THSD7B: variants seen among roughly 807,000 people sequenced by gnomAD.
The protein encoded by THSD7B is thrombospondin type-1 domain-containing protein 7B.
THSD7B carries 138 observed loss-of-function variants against 213.6 expected under a neutral mutation model. That is an observed-to-expected ratio of 0.65 (90% CI 0.56 to 0.74). The LOEUF is 0.74. Ranked by LOEUF, THSD7B falls within the 30% of genes least tolerant of loss-of-function variation. The pLI is 0.00. For missense variants in THSD7B, 1,931 were observed against 1,991.5 expected (o/e 0.97, Z 0.58); for synonymous variants, 742 against 687.0 (o/e 1.08, Z -1.25).
intron 14 of THSD7B, among the ~76,000 whole-genome samples, chr2:137,442,311 A>G (rs1391468924): frequency 1.3e-5 from 2 of 152,266 alleles, no homozygotes; most frequent in East Asian, 1.9e-4. Flanking sequence ...TTTTCTCAGG[A>G]CACCATATTC....
At chr2:137,442,989 G>A (rs1010309847) in intron 14 of THSD7B, among the ~76,000 whole-genome samples, 1 of 152,096 alleles carries the variant, frequency 6.6e-6, no homozygotes, top group Non-Finnish European at 1.5e-5. Flanking sequence ...TTTGTTATGT[G>A]ATTAAAGCAT....
chr2:137,417,023 G>T (rs961352465), intron 14 of THSD7B, among the ~76,000 whole-genome samples: 8 of 152,236 alleles, frequency 5.3e-5, no homozygotes, highest in African/African-American at 1.9e-4. Flanking sequence ...TGTAGGCAAT[G>T]AATTATTTTC....
intron 15 of THSD7B, among the ~76,000 whole-genome samples, chr2:137,460,916 A>T (rs150143575): frequency 1.8e-4 from 27 of 152,238 alleles, no homozygotes; most frequent in African/African-American, 6.0e-4. Flanking sequence ...TTAACATAAT[A>T]GATTAGTTTT....
intron 15 of THSD7B, among the ~76,000 whole-genome samples, chr2:137,466,854 A>T (rs1302727782): frequency 6.6e-6 from 1 of 152,124 alleles, no homozygotes; most frequent in Non-Finnish European, 1.5e-5. Context: ...ATAAAGACAG[A>T]GCTTCTTTTC....
At chr2:137,221,875 C>G (rs911400894) in intron 7 of THSD7B, among the ~76,000 whole-genome samples, 6 of 152,146 alleles carry the variant, frequency 3.9e-5, no homozygotes, top group Non-Finnish European at 8.8e-5. Context: ...TAAGAAACTT[C>G]TAGATAATTT....
At chr2:137,466,736 T>C (rs961168786) in intron 15 of THSD7B, among the ~76,000 whole-genome samples, 1 of 152,168 alleles carries the variant, frequency 6.6e-6, no homozygotes, top group Non-Finnish European at 1.5e-5. Flanking sequence ...AAAGAAACCT[T>C]AAGCCAAAAT....
chr2:137,455,955 A>G (rs1687754442), intron 15 of THSD7B, among the ~76,000 whole-genome samples: 1 of 152,218 alleles, frequency 6.6e-6, no homozygotes, highest in Non-Finnish European at 1.5e-5. Context: ...AGAGTTCCAG[A>G]CAACTATATA....
At chr2:137,102,458 C>T (rs1573823953) in intron 4 of THSD7B, among the ~76,000 whole-genome samples, 1 of 152,176 alleles carries the variant, frequency 6.6e-6, no homozygotes, top group Non-Finnish European at 1.5e-5. Context: ...GCTGAAAATT[C>T]CAAAAACCAG....
At chr2:136,855,602 A>ATTTATTATTTAT (rs111285205) in intron 1 of THSD7B, among the ~76,000 whole-genome samples, 579 of 19,322 alleles carry the variant, frequency 0.03, 6 homozygotes, top group African/African-American at 0.059. Context: ...TTATTTATTT[A>ATTTATTATTTAT]TTATTTATTT....
At chr2:136,912,360 C>T (rs977095262) in intron 2 of THSD7B, among the ~76,000 whole-genome samples, 4 of 134,864 alleles carry the variant, frequency 3.0e-5, no homozygotes, top group African/African-American at 5.7e-5. Context: ...GAGAGAGGAA[C>T]TTAAAAGGTT....
chr2:136,902,025 G>C (rs1202679105), intron 2 of THSD7B, among the ~76,000 whole-genome samples: 1 of 152,244 alleles, frequency 6.6e-6, no homozygotes, highest in East Asian at 1.9e-4. Context: ...TAGAGTATAT[G>C]TCACTGATAT....
intron 1 of THSD7B, among the ~76,000 whole-genome samples, chr2:136,791,711 A>G (rs1194571773): frequency 6.6e-6 from 1 of 152,076 alleles, no homozygotes; most frequent in Non-Finnish European, 1.5e-5. Context: ...TGTGTTCATG[A>G]ATATGTACCA....
intron 2 of THSD7B, among the ~76,000 whole-genome samples, chr2:136,951,424 T>A (rs922863716): frequency 6.6e-6 from 1 of 152,258 alleles, no homozygotes; most frequent in African/African-American, 2.4e-5. Context: ...TCTAATTTTT[T>A]AAATCAGGAA....
chr2:137,548,835 T>TG (rs1373043517), intron 15 of THSD7B, among the ~76,000 whole-genome samples: 1 of 152,052 alleles, frequency 6.6e-6, no homozygotes, highest in African/African-American at 2.4e-5. Context: ...AAGGAGTGTG[T>TG]GTCTTAAATT....
chr2:137,563,960 A>G (rs1178842454), intron 16 of THSD7B, among the ~76,000 whole-genome samples: 1 of 152,190 alleles, frequency 6.6e-6, no homozygotes, highest in Non-Finnish European at 1.5e-5. Context: ...TGAGTTTGTC[A>G]AGATGGTCTA....
chr2:137,318,861 C>A (rs1225941333), intron 12 of THSD7B, among the ~76,000 whole-genome samples: 1 of 116,018 alleles, frequency 8.6e-6, no homozygotes, highest in Admixed American at 1.3e-4. Context: ...GTGGTGCTAT[C>A]TCGGCTCACT....
At chr2:137,101,900 A>G (rs1365760512) in intron 4 of THSD7B, among the ~76,000 whole-genome samples, 1 of 152,238 alleles carries the variant, frequency 6.6e-6, no homozygotes, top group African/African-American at 2.4e-5. Flanking sequence ...TCAGGGGCTT[A>G]TAGATAAAAC....
intron 2 of THSD7B, among the ~76,000 whole-genome samples, chr2:137,032,316 G>A (rs1686691155): frequency 6.6e-6 from 1 of 152,116 alleles, no homozygotes; most frequent in African/African-American, 2.4e-5. Context: ...TGACTTGCCT[G>A]TCTCTGCTTA....
intron 7 of THSD7B, among the ~76,000 whole-genome samples, chr2:137,175,329 T>C (rs149030764): frequency 2.8e-4 from 42 of 152,308 alleles, no homozygotes; most frequent in African/African-American, 9.6e-4. Context: ...TAATGCAACA[T>C]ACAATCTGCA....
Sources: allele counts gnomAD v4.1 joint callset (sites outside exome capture counted in the v4.1 genomes callset), GRCh38; gene constraint gnomAD v4.1.1; transcripts MANE v1.5; gene names NCBI Gene and HGNC (gene_info 2026-07-23, HGNC 2026-07-21).